Variants in PALLD observed in about 807,000 individuals in gnomAD.
PALLD encodes the protein palladin, cytoskeletal associated protein.
A neutral mutation model predicts 123.5 loss-of-function variants in PALLD; 61 were observed. The ratio of observed to expected loss-of-function variants is 0.49; its 90% confidence interval spans 0.40 to 0.61. PALLD has a LOEUF of 0.61. PALLD is among the 20% of genes least tolerant of loss of function. PALLD has a pLI of 0.00. For synonymous variants in PALLD, 465 were observed against 496.4 expected, an observed-to-expected ratio of 0.94 and a Z score of 0.84; for missense variants, 1,273 against 1,377.0, an observed-to-expected ratio of 0.92 and a Z score of 1.20.
At chr4:168,717,547 C>G (rs1251557733) in intron 10 of PALLD, among the ~76,000 whole-genome samples, 2 of 152,108 alleles carry the variant, frequency 1.3e-5, no homozygotes, top group African/African-American at 4.8e-5. Flanking sequence ...GACCGGGTTT[C>G]ACCATATTGG....
intron 2 of PALLD, among the ~76,000 whole-genome samples, chr4:168,596,656 A>C (rs1772005969): frequency 6.6e-6 from 1 of 151,816 alleles, no homozygotes; most frequent in South Asian, 2.1e-4. Flanking sequence ...GGAAAATGCA[A>C]GTCTTATAGA....
Position 168,896,550 on chromosome 4 carries a change from A to AC in PALLD, c.2202dup (p.Ile735HisfsTer24). On this transcript the variant is annotated frameshift_variant and splice_region_variant, in exon 13 of 22. Coordinates refer to ENST00000505667, the MANE Select transcript of PALLD (RefSeq NM_001166108.2). LOFTEE classifies it high-confidence loss of function. ...ACATCTTTTTTTCTACCATTACAGG[A>AC]CATTGGTTCTCCTCATGCTTCTGTA... The AC allele has an allele frequency of 6.7e-7, 1 of 1,485,500 alleles. No homozygotes were observed. The highest frequency in any genetic ancestry group is 9.1e-7 in the Non-Finnish European group (1 of 1,099,954). The allele number at this position is 1,485,500 out of a possible 1,614,324, so 92.0% of individuals were successfully genotyped here.
Position 168,869,389 on chromosome 4 carries a change from G to T in PALLD, c.1965-21533G>T, listed in dbSNP as rs1750778370. Among the ~76,000 whole-genome samples the T allele has an allele frequency of 6.6e-6, 1 of 152,114 alleles. No homozygotes were observed. The highest frequency in any genetic ancestry group is 6.5e-5 in the Admixed American group (1 of 15,270). On this transcript the variant is annotated intron_variant, in intron 10 of 21. Transcript: ENST00000505667. This position sits in a 1 kb window ranked among gnomAD's most constrained non-coding sequence, Gnocchi z 4.5. ...GCCTTGTGGGCTGGAGTAGTATGGA[G>T]GAGGGAGTAAGAACTGCTAGATGTT...
chr4:168,744,239 G>A (rs999549775), intron 10 of PALLD, among the ~76,000 whole-genome samples: 1 of 152,142 alleles, frequency 6.6e-6, no homozygotes, highest in African/African-American at 2.4e-5. Context: ...TCCAGGAAGA[G>A]AGTGCTGCTA....
intron 2 of PALLD, among the ~76,000 whole-genome samples, chr4:168,620,360 C>A (rs2149794606): frequency 6.6e-6 from 1 of 152,254 alleles, no homozygotes; most frequent in Non-Finnish European, 1.5e-5. Context: ...GAGGCTGAGG[C>A]AGGAGAATCG....
chr4:168,618,978 T>C (rs1774485803), intron 2 of PALLD, among the ~76,000 whole-genome samples: 2 of 152,170 alleles, frequency 1.3e-5, no homozygotes, highest in South Asian at 4.1e-4. Flanking sequence ...CCATCAGATC[T>C]AGATGTTTAA....
chr4:168,576,476 A>G (rs901797685), intron 2 of PALLD, among the ~76,000 whole-genome samples: 3 of 152,066 alleles, frequency 2.0e-5, no homozygotes, highest in African/African-American at 7.2e-5. Context: ...ATGAGTGAGA[A>G]CATGCGGTGT....
chr4:168,712,176 G>A, intron 10 of PALLD: 1 of 556,744 alleles, frequency 1.8e-6, no homozygotes, highest in Non-Finnish European at 3.2e-6. Flanking sequence ...TCTGTGCCCA[G>A]TGTGGGCTTC....
intron 10 of PALLD, among the ~76,000 whole-genome samples, chr4:168,741,543 G>A (rs1788340355): frequency 6.6e-6 from 1 of 152,028 alleles, no homozygotes; most frequent in African/African-American, 2.4e-5. Flanking sequence ...AAAAGTAGCC[G>A]GCATGGTGGC....
intron 10 of PALLD, among the ~76,000 whole-genome samples, chr4:168,741,184 G>C (rs774631942): frequency 2.6e-5 from 4 of 152,136 alleles, no homozygotes; most frequent in Admixed American, 2.0e-4. Context: ...TGGTACTGCT[G>C]TCATGTTTCA....
intron 10 of PALLD, among the ~76,000 whole-genome samples, chr4:168,753,169 A>G (rs1731295921): frequency 6.6e-6 from 1 of 152,172 alleles, no homozygotes; most frequent in Admixed American, 6.5e-5. Context: ...ATGCTAGAGA[A>G]GACTCTCCCC....
chr4:168,527,422 C>CAAAAAAAAAAACAAAA (rs1764165789), intron 2 of PALLD, among the ~76,000 whole-genome samples: 1 of 52,916 alleles, frequency 1.9e-5, no homozygotes, highest in African/African-American at 1.1e-4. Flanking sequence ...AACTCCATCT[C>CAAAAAAAAAAACAAAA]AAAAAAAAAA....
At chr4:168,823,585 T>G (rs1743021905) in intron 10 of PALLD, among the ~76,000 whole-genome samples, 3 of 151,954 alleles carry the variant, frequency 2.0e-5, no homozygotes, top group Non-Finnish European at 4.4e-5. Flanking sequence ...GAGGCTGAGG[T>G]GGGAGGATGG....
intron 10 of PALLD, among the ~76,000 whole-genome samples, chr4:168,849,138 C>T (rs904698474): frequency 2.6e-5 from 4 of 152,210 alleles, no homozygotes; most frequent in Non-Finnish European, 5.9e-5. Flanking sequence ...GTTCACATTC[C>T]AACTGGGTGC....
chr4:168,624,800 A>G (rs898509704), intron 2 of PALLD, among the ~76,000 whole-genome samples: 2 of 152,150 alleles, frequency 1.3e-5, no homozygotes, highest in African/African-American at 4.8e-5. Context: ...GAGAGAAAAG[A>G]CCCCATTTAC....
intron 10 of PALLD, among the ~76,000 whole-genome samples, chr4:168,774,452 G>C (rs1026666246): frequency 6.6e-6 from 1 of 152,184 alleles, no homozygotes; most frequent in Admixed American, 6.5e-5. Flanking sequence ...TACTGGCTGA[G>C]TGCGGTGGCT....
intron 2 of PALLD, among the ~76,000 whole-genome samples, chr4:168,518,119 A>T (rs1399839342): frequency 1.3e-5 from 2 of 152,110 alleles, no homozygotes; most frequent in Non-Finnish European, 2.9e-5. Context: ...TCAGGAAAAA[A>T]ACCTTGAAGC....
At chr4:168,673,840 G>A (rs942652504) in intron 3 of PALLD, among the ~76,000 whole-genome samples, 1 of 152,064 alleles carries the variant, frequency 6.6e-6, no homozygotes, top group Non-Finnish European at 1.5e-5. Context: ...AGACGGAAAA[G>A]GAATAGGATT....
At chr4:168,566,249 GT>G (rs1363433545) in intron 2 of PALLD, among the ~76,000 whole-genome samples, 1 of 142,888 alleles carries the variant, frequency 7.0e-6, no homozygotes, top group East Asian at 1.9e-4. Flanking sequence ...AATTCTTTCA[GT>G]TTTTCACAGG....
Sources: allele counts gnomAD v4.1 joint callset (sites outside exome capture counted in the v4.1 genomes callset), GRCh38; gene constraint gnomAD v4.1.1; non-coding constraint Gnocchi (gnomAD v3.1); transcripts MANE v1.5; gene names NCBI Gene and HGNC (gene_info 2026-07-23, HGNC 2026-07-21).